TVP23A: variants seen among roughly 807,000 people sequenced by gnomAD.
TVP23A encodes trans-golgi network vesicle protein 23 homolog A.
TVP23A carries 21 observed loss-of-function variants against 31.7 expected under a neutral mutation model. The observed-to-expected ratio is 0.66, with a 90% CI of 0.47 to 0.95. The LOEUF (loss-of-function observed/expected upper bound fraction) is 0.95, where lower values mean the gene tolerates loss of function less well. TVP23A is among the 40% of genes least tolerant of loss of function. The probability of loss-of-function intolerance (pLI) is 0.00; values close to 1 mark genes in which losing one functional copy is unlikely to be tolerated. For synonymous variants in TVP23A, 104 were observed against 96.0 expected (o/e 1.08, Z -0.49); for missense variants, 279 against 255.6 (o/e 1.09, Z -0.62).
intron 7 of TVP23A, 198 bp from the exon 8 acceptor site, chr16:10,769,299 A>C: frequency 3.7e-6 from 2 of 547,696 alleles, no homozygotes; most frequent in Non-Finnish European, 3.2e-6. Flanking sequence ...AACATATATA[A>C]AGGGCATTCT....
downstream of TVP23A, among the ~76,000 whole-genome samples, chr16:10,765,760 CAA>C (rs769545011): frequency 2.4e-4 from 36 of 152,224 alleles, no homozygotes; most frequent in Non-Finnish European, 1.5e-4. The surrounding 1 kb of genome is among the most constrained non-coding windows in gnomAD (Gnocchi z 4.0). Flanking sequence ...AGGTGGTTCA[CAA>C]GAGCTAATTT....
intron 2 of TVP23A, among the ~76,000 whole-genome samples, chr16:10,781,992 G>C (rs2032455084): frequency 1.3e-5 from 2 of 150,270 alleles, no homozygotes; most frequent in Non-Finnish European, 2.9e-5. Flanking sequence ...CTCCTGAGTA[G>C]CTGGGATTGC....
chr16:10,783,095 G>C (rs770967057), intron 2 of TVP23A, among the ~76,000 whole-genome samples: 3 of 152,162 alleles, frequency 2.0e-5, no homozygotes, highest in Non-Finnish European at 2.9e-5. Context: ...GTAGTGATTG[G>C]GAAGGGATAT....
At chr16:10,799,242 A>G (rs1418412295) in intron 2 of TVP23A, among the ~76,000 whole-genome samples, 1 of 152,238 alleles carries the variant, frequency 6.6e-6, no homozygotes, top group African/African-American at 2.4e-5. Flanking sequence ...GTATAAGATA[A>G]TAAATGTTTG....
At chr16:10,789,775 G>C (rs545729693) in intron 2 of TVP23A, among the ~76,000 whole-genome samples, 2 of 147,300 alleles carry the variant, frequency 1.4e-5, no homozygotes, top group Non-Finnish European at 3.0e-5. Flanking sequence ...AGGTTGCAGT[G>C]AACTAAGATT....
At chr16:10,761,841 C>G (rs1416264228), downstream of TVP23A, 1 of 1,613,912 alleles carries the variant, frequency 6.2e-7, no homozygotes, top group East Asian at 2.2e-5. Flanking sequence ...CGGCAGAGTG[C>G]CCCTGGATCC....
At chr16:10,761,707 G>C (rs763434290), downstream of TVP23A, 11 of 1,405,248 alleles carry the variant, frequency 7.8e-6, no homozygotes, top group Non-Finnish European at 9.0e-6. Flanking sequence ...GTCCATCCTT[G>C]TGATTCTGCA....
intron 2 of TVP23A, among the ~76,000 whole-genome samples, chr16:10,811,712 G>T (rs1475213805): frequency 2.0e-5 from 3 of 151,926 alleles, no homozygotes; most frequent in Non-Finnish European, 4.4e-5. Context: ...AGACCATCCT[G>T]GCTAACATGG....
intron 2 of TVP23A, among the ~76,000 whole-genome samples, chr16:10,790,155 G>A (rs1204686660): frequency 3.3e-4 from 50 of 152,022 alleles, no homozygotes; most frequent in Admixed American, 3.3e-3. Flanking sequence ...AGCATTGGGA[G>A]GGCCTGGAAG....
At chr16:10,805,497 A>AATGCAGGGAATCC (rs1377329583) in intron 2 of TVP23A, among the ~76,000 whole-genome samples, 1 of 150,348 alleles carries the variant, frequency 6.7e-6, no homozygotes, top group Non-Finnish European at 1.5e-5. Context: ...TCTGTACTTT[A>AATGCAGGGAATCC]ATGCAGGGAA....
chr16:10,774,139 T>G lies in TVP23A; in HGVS notation c.235-11A>C. The stretch of plus-strand genomic sequence containing the variant: ...TCTTCCGGTTACATTCTGAGAACAA[T>G]AGACAAAGGACTCTGAGCAGGTCAC... On this transcript the variant is annotated splice_polypyrimidine_tract_variant and intron_variant, in intron 3 of 7. Coordinates refer to ENST00000299866, the MANE Select transcript of TVP23A (RefSeq NM_001079512.4). The G allele has an allele frequency of 1.3e-6, 2 of 1,599,800 alleles. No homozygotes were observed. Among genetic ancestry groups the G allele is most frequent in the Non-Finnish European group, 1.7e-6 (2 of 1,171,422 alleles).
chr16:10,771,220 C>T (rs1198535639), intron 6 of TVP23A, among the ~76,000 whole-genome samples: 1 of 152,142 alleles, frequency 6.6e-6, no homozygotes, highest in Non-Finnish European at 1.5e-5. Context: ...TACAATGGTA[C>T]ATTTTATGTA....
intron 2 of TVP23A, among the ~76,000 whole-genome samples, chr16:10,781,646 C>T (rs1026854029): frequency 6.6e-6 from 1 of 152,152 alleles, no homozygotes; most frequent in African/African-American, 2.4e-5. Flanking sequence ...AAAGAAAAAG[C>T]ACAGCTCTAC....
In TVP23A at chr16:10,802,314, C is replaced by T. The variant is rs1419184626; in HGVS notation, c.89+15789G>A. Among the ~76,000 whole-genome samples, 7 of 151,148 alleles carry T rather than the reference C, an allele frequency of 4.6e-5. No homozygotes were observed. The East Asian group carries it at 1.4e-3, about 30-fold the overall frequency. On this transcript the variant is annotated intron_variant, in intron 2 of 7. Transcript: ENST00000299866. ...TGTGTGTGTGTGTCAGAGTCTCATT[C>T]TGTCACCCAGGCTGGAATGCAGTGG...
At chr16:10,760,693 TG>T (rs1900888098), downstream of TVP23A, among the ~76,000 whole-genome samples, 1 of 152,130 alleles carries the variant, frequency 6.6e-6, no homozygotes, top group Admixed American at 6.5e-5. Context: ...GCAATGATTA[TG>T]CCACTGCACT....
chr16:10,769,316 A>G, intron 7 of TVP23A: 1 of 494,792 alleles, frequency 2.0e-6, no homozygotes, highest in East Asian at 3.3e-5. Flanking sequence ...TTCTCTACAA[A>G]TGTGCCGTTT....
intron 6 of TVP23A, 119 bp downstream of exon 6, chr16:10,771,551 C>T: frequency 7.5e-7 from 1 of 1,329,256 alleles, no homozygotes; most frequent in South Asian, 1.3e-5. Flanking sequence ...AATATATAAA[C>T]AATAAAACAT....
chr16:10,808,503 AAAT>A, intron 2 of TVP23A: 1 of 454,704 alleles, frequency 2.2e-6, no homozygotes, highest in South Asian at 1.6e-5. Flanking sequence ...ACCAACCAAG[AAAT>A]AATAAGCAGG....
chr16:10,779,223 C>T lies in TVP23A; in HGVS notation c.90-4127G>A, dbSNP rs76090267. Among the ~76,000 whole-genome samples the T allele has an allele frequency of 7.4e-3, 1,120 of 152,224 alleles. 18 individuals carry two copies. The highest frequency in any genetic ancestry group is 0.025 in the African/African-American group (1,050 of 41,538). On this transcript the variant is annotated intron_variant, in intron 2 of 7. Coordinates refer to ENST00000299866, the MANE Select transcript of TVP23A (RefSeq NM_001079512.4). This position sits in a 1 kb window ranked among gnomAD's most constrained non-coding sequence, Gnocchi z 4.9. ...AAAGCCCAAAGCAAGTAGAAGAGGA[C>T]GCCTGTTGCCCTTTTAAATGTTGCT... is the stretch of plus-strand genomic sequence containing the variant.
Sources: gnomAD v4.1 joint callset for allele counts (sites outside exome capture counted in the v4.1 genomes callset) on GRCh38, gnomAD v4.1.1 for gene constraint, Gnocchi (gnomAD v3.1) non-coding constraint, MANE v1.5 for transcripts, NCBI Gene and HGNC (gene_info 2026-07-23, HGNC 2026-07-21) for gene names.